The following DSCAM variants were observed in gnomAD, a reference collection of about 807,000 sequenced individuals.
DSCAM encodes the protein cell adhesion molecule DSCAM.
DSCAM carries 47 observed loss-of-function variants against 217.7 expected under a neutral mutation model. That is an observed-to-expected ratio of 0.22 (90% CI 0.17 to 0.28). The LOEUF (loss-of-function observed/expected upper bound fraction) is 0.28, where lower values mean the gene tolerates loss of function less well. DSCAM is among the 10% of genes least tolerant of loss of function. The pLI is 1.00. For synonymous variants in DSCAM, 1,056 were observed against 1,015.3 expected, an observed-to-expected ratio of 1.04 and a Z score of -0.76; for missense variants, 2,080 against 2,618.3, an observed-to-expected ratio of 0.79 and a Z score of 4.49.
chr21:40,509,951 C>T (rs1299755789), intron 3 of DSCAM, among the ~76,000 whole-genome samples: 4 of 152,022 alleles, frequency 2.6e-5, no homozygotes, highest in Admixed American at 6.5e-5. Flanking sequence ...AGTGAAACCC[C>T]GTCTCTACTA....
At chr21:40,780,419 G>GTATATATATATATATATATATA in intron 1 of DSCAM, among the ~76,000 whole-genome samples, 1 of 44,716 alleles carries the variant, frequency 2.2e-5, no homozygotes, top group African/African-American at 1.9e-4. Context: ...GTGTGTGTGT[G>GTATATATATATATATATATATA]TGTGTATATA....
In DSCAM at chr21:40,517,401, AG is replaced by A. The variant is rs1452875144; in HGVS notation, c.509-148157del. On this transcript the variant is annotated intron_variant, in intron 3 of 32. Transcript: ENST00000400454. ...ATACACACATCTATACACACACACA[AG>A]CAACACACACACACACACACACACA... Among the ~76,000 whole-genome samples the A allele has an allele frequency of 2.2e-3, 231 of 104,904 alleles. 1 individual carries two copies. The highest frequency in any genetic ancestry group is 8.5e-3 in the African/African-American group (219 of 25,624). The allele number at this position is 104,904 out of a possible 152,430, so 68.8% of individuals were successfully genotyped here.
At position 40,826,718 on chromosome 21, in the gene DSCAM, G is replaced by A. The variant is rs1005632727; in HGVS notation, c.43+19901C>T. Among the ~76,000 whole-genome samples the A allele has an allele frequency of 7.9e-5, 12 of 152,320 alleles. No individual in the cohort carries two copies. In the South Asian group the frequency reaches 2.3e-3, roughly 29 times the overall value. ...ATTTCTGTTCTGTGCAGTGAGGGAC[G>A]AGCGATGCTCAGTTTGAATGACCAA... is the stretch of plus-strand genomic sequence containing the variant. On this transcript the variant is annotated intron_variant, in intron 1 of 32. Transcript: ENST00000400454.
In DSCAM at chr21:40,563,684, TTA is replaced by T. The variant is rs548801489; in HGVS notation, c.508+129124_508+129125del. 2.0e-3 allele frequency among the ~76,000 whole-genome samples: 150 copies of T among 76,214 alleles called. 6 individuals are homozygous for T. Among genetic ancestry groups the T allele is most frequent in the Middle Eastern group, 9.6e-3 (1 of 104 alleles). 50.0% of individuals were successfully genotyped at this position (76,214 alleles called of 152,430 possible). On this transcript the variant is annotated intron_variant, in intron 3 of 32. Transcript: ENST00000400454. ...TTTGTTTATATATATGTTTATATGT[TTA>T]TATATAGTTATATGTGTGTATATAG...
At chr21:40,130,267 T>C (rs1447407152) in intron 19 of DSCAM, among the ~76,000 whole-genome samples, 1 of 152,190 alleles carries the variant, frequency 6.6e-6, no homozygotes, top group African/African-American at 2.4e-5. Context: ...GGCATCAGGA[T>C]TTCACAACTG....
At chr21:40,023,339 A>G (rs531477159) in intron 32 of DSCAM, among the ~76,000 whole-genome samples, 100 of 152,072 alleles carry the variant, frequency 6.6e-4, no homozygotes, top group Admixed American at 1.8e-3. Context: ...ACGTGTGCAT[A>G]TGTCTTTATA....
At chr21:40,405,006 T>A (rs2123784008) in intron 3 of DSCAM, among the ~76,000 whole-genome samples, 1 of 152,306 alleles carries the variant, frequency 6.6e-6, no homozygotes, top group East Asian at 1.9e-4. Context: ...AAATATGTAT[T>A]ATTCAAGTTG....
intron 1 of DSCAM, among the ~76,000 whole-genome samples, chr21:40,767,387 AAC>A (rs889839151): frequency 1.3e-5 from 2 of 152,134 alleles, no homozygotes; most frequent in African/African-American, 4.8e-5. Flanking sequence ...CTTTGGGCAA[AAC>A]ACACAGACAA....
intron 3 of DSCAM, among the ~76,000 whole-genome samples, chr21:40,475,638 C>G (rs904712254): frequency 2.0e-5 from 3 of 152,158 alleles, no homozygotes; most frequent in Non-Finnish European, 4.4e-5. Context: ...CAAGACCAGC[C>G]TGACCAACAT....
At chr21:40,762,694 A>T (rs2091347367) in intron 1 of DSCAM, among the ~76,000 whole-genome samples, 1 of 152,224 alleles carries the variant, frequency 6.6e-6, no homozygotes, top group Admixed American at 6.5e-5. Flanking sequence ...CCTGATGAAC[A>T]TCGATGCAAA....
chr21:40,333,281 A>T (rs946837438), intron 8 of DSCAM, among the ~76,000 whole-genome samples: 3 of 152,244 alleles, frequency 2.0e-5, no homozygotes, highest in African/African-American at 7.2e-5. Context: ...GTTAATTTTT[A>T]AAAAGCCTTG....
chr21:40,620,041 A>T (rs916680460), intron 3 of DSCAM, among the ~76,000 whole-genome samples: 1 of 127,646 alleles, frequency 7.8e-6, no homozygotes, highest in Non-Finnish European at 1.7e-5. Flanking sequence ...AGAGAGAAAG[A>T]GAGAGAAAAA....
intron 11 of DSCAM, among the ~76,000 whole-genome samples, chr21:40,274,320 T>G (rs1013310204): frequency 6.6e-6 from 1 of 152,172 alleles, no homozygotes. Flanking sequence ...GTCACAGACA[T>G]GATCCATGTG....
chr21:40,079,071 A>G, intron 25 of DSCAM, 94 bp from the exon 26 acceptor site: 1 of 1,434,250 alleles, frequency 7.0e-7, no homozygotes, highest in Non-Finnish European at 9.4e-7. Flanking sequence ...TCCTCCAGCG[A>G]GGCCAGGAGC....
At chr21:40,596,182 C>T (rs1054540286) in intron 3 of DSCAM, among the ~76,000 whole-genome samples, 6 of 152,114 alleles carry the variant, frequency 3.9e-5, no homozygotes, top group African/African-American at 7.2e-5. Context: ...TCACTTGTCC[C>T]CTAATAATAG....
intron 8 of DSCAM, among the ~76,000 whole-genome samples, chr21:40,313,049 C>G (rs1380417698): frequency 6.7e-6 from 1 of 150,070 alleles, no homozygotes; most frequent in Non-Finnish European, 1.5e-5. Flanking sequence ...CCCAGGAGTT[C>G]GAGGCTGCAG....
chr21:40,700,735 C>CTTTTT (rs775869471), intron 2 of DSCAM, among the ~76,000 whole-genome samples: 3 of 137,962 alleles, frequency 2.2e-5, no homozygotes, highest in African/African-American at 5.3e-5. Context: ...TTCTTTCTTT[C>CTTTTT]TTTTTTTTTT....
intron 15 of DSCAM, among the ~76,000 whole-genome samples, chr21:40,174,890 C>T (rs1284496539): frequency 3.3e-5 from 5 of 152,168 alleles, no homozygotes; most frequent in South Asian, 2.1e-4. Flanking sequence ...CATCAGGATG[C>T]GGGGAGGGCA....
At chr21:40,826,731 T>C (rs1233461762) in intron 1 of DSCAM, among the ~76,000 whole-genome samples, 1 of 152,122 alleles carries the variant, frequency 6.6e-6, no homozygotes, top group Non-Finnish European at 1.5e-5. Flanking sequence ...CGATGCTCAG[T>C]TTGAATGACC....
Sources: gnomAD v4.1 joint callset for allele counts (sites outside exome capture counted in the v4.1 genomes callset) on GRCh38, gnomAD v4.1.1 for gene constraint, MANE v1.5 for transcripts, NCBI Gene and HGNC (gene_info 2026-07-23, HGNC 2026-07-21) for gene names.